Variants in TMEM132B observed in about 807,000 individuals in gnomAD.
TMEM132B encodes the protein transmembrane protein 132B.
Under a neutral mutation model 90.8 loss-of-function variants are expected in TMEM132B, and 18 were observed. That is an observed-to-expected ratio of 0.20 (90% CI 0.14 to 0.29). TMEM132B has a LOEUF of 0.29. Among genes scored for constraint, TMEM132B ranks in the 10% least tolerant of loss-of-function variants. The pLI is 1.00. For missense variants in TMEM132B, 1,096 were observed against 1,326.8 expected (o/e 0.83, Z 2.70); for synonymous variants, 504 against 523.3 (o/e 0.96, Z 0.50).
chr12:125,269,362 C>T (rs551897518), intron 1 of TMEM132B, among the ~76,000 whole-genome samples: 1 of 152,288 alleles, frequency 6.6e-6, no homozygotes, highest in Admixed American at 6.5e-5. Context: ...AATGCAGGCC[C>T]TTTGTGGAGC....
intron 5 of TMEM132B, among the ~76,000 whole-genome samples, chr12:125,627,088 T>C (rs566001175): frequency 6.6e-6 from 1 of 152,240 alleles, no homozygotes; most frequent in South Asian, 2.1e-4. Flanking sequence ...GATGAGTAAA[T>C]CAAGACATCA....
intron 2 of TMEM132B, among the ~76,000 whole-genome samples, chr12:125,373,396 G>A (rs748536282): frequency 1.3e-5 from 2 of 152,188 alleles, no homozygotes; most frequent in African/African-American, 2.4e-5. Flanking sequence ...GGTCATTAGG[G>A]TGGGCTTTAA....
At chr12:125,469,213 C>T (rs1008119951) in intron 3 of TMEM132B, among the ~76,000 whole-genome samples, 6 of 152,098 alleles carry the variant, frequency 3.9e-5, no homozygotes, top group African/African-American at 1.4e-4. Flanking sequence ...TAGCTGTGGG[C>T]TTTTCACATA....
rs1481502526 is a variant in TMEM132B, at chr12:125,656,682, G to T, written c.*1972G>T. The T allele has an allele frequency of 6.6e-6, 1 of 152,270 alleles. No individual in the cohort carries two copies. The highest frequency in any genetic ancestry group is 2.4e-5 in the African/African-American group (1 of 41,458). 9.4% of individuals were successfully genotyped at this position (152,270 alleles called of 1,614,324 possible). ...AGAGATGGCTGACACTTTATGGGAA[G>T]ATTCCTCAGTCAGCCAAAAGCTTTT... On this transcript the variant is annotated 3_prime_UTR_variant, in exon 9 of 9. Transcript: ENST00000682704.
intron 4 of TMEM132B, among the ~76,000 whole-genome samples, chr12:125,568,292 G>A (rs972325651): frequency 2.0e-5 from 3 of 152,016 alleles, no homozygotes; most frequent in Non-Finnish European, 4.4e-5. Context: ...TATTTATGGG[G>A]TACATGAGAT....
intron 1 of TMEM132B, among the ~76,000 whole-genome samples, chr12:125,279,664 C>G (rs549391966): frequency 2.6e-5 from 4 of 152,204 alleles, no homozygotes; most frequent in Non-Finnish European, 5.9e-5. Context: ...CTGCCTGTGT[C>G]TTTTCCCTTG....
At chr12:125,427,495 T>A (rs1880353035) in intron 3 of TMEM132B, among the ~76,000 whole-genome samples, 1 of 152,208 alleles carries the variant, frequency 6.6e-6, no homozygotes, top group Non-Finnish European at 1.5e-5. Flanking sequence ...TCTCAACAAG[T>A]ATGTGTTGAA....
chr12:125,287,203 C>T (rs1875386326), intron 1 of TMEM132B, among the ~76,000 whole-genome samples: 1 of 152,050 alleles, frequency 6.6e-6, no homozygotes, highest in Admixed American at 6.5e-5. Context: ...GTGGCCCCGT[C>T]TCCTCTGATT....
chr12:125,505,664 C>T (rs1882827838), intron 3 of TMEM132B, among the ~76,000 whole-genome samples: 1 of 151,122 alleles, frequency 6.6e-6, no homozygotes, highest in African/African-American at 2.4e-5. Flanking sequence ...CACCACTGTG[C>T]TCAAGCTTGG....
intron 1 of TMEM132B, among the ~76,000 whole-genome samples, chr12:125,283,244 T>C (rs1397955678): frequency 6.6e-6 from 1 of 152,214 alleles, no homozygotes; most frequent in Non-Finnish European, 1.5e-5. Context: ...TTCGTACATA[T>C]TAGGTTTTCT....
chr12:125,188,861 A>AAAAAAAAAAAAAG (rs1565970787), intron 1 of TMEM132B, among the ~76,000 whole-genome samples: 1 of 144,770 alleles, frequency 6.9e-6, no homozygotes. Flanking sequence ...GCAAAAAAAA[A>AAAAAAAAAAAAAG]AAAAAAAAAA....
In TMEM132B at chr12:125,498,306, T is replaced by C. The variant is rs1882609735; in HGVS notation, c.1107-21133T>C. ...GCTAGGTGTTTTTTCTGTTTAGCAT[T>C]AGTAGGAATTGCACTGAATATGTGC... On this transcript the variant is annotated intron_variant, in intron 3 of 8. Transcript: ENST00000682704. The surrounding 1 kb of genome is among the most constrained non-coding windows in gnomAD (Gnocchi z 4.5). Among the ~76,000 whole-genome samples, 1 of 152,216 alleles carries C rather than the reference T, an allele frequency of 6.6e-6. No homozygotes were observed. The highest frequency in any genetic ancestry group is 2.4e-5 in the African/African-American group (1 of 41,440).
chr12:125,386,386 A>G (rs1374882234), intron 2 of TMEM132B, among the ~76,000 whole-genome samples: 1 of 152,266 alleles, frequency 6.6e-6, no homozygotes, highest in East Asian at 1.9e-4. Flanking sequence ...CTGGTTACGT[A>G]TGACTATGGT....
chr12:125,470,060 G>A (rs1213149536), intron 3 of TMEM132B, among the ~76,000 whole-genome samples: 2 of 152,214 alleles, frequency 1.3e-5, no homozygotes, highest in Non-Finnish European at 2.9e-5. Flanking sequence ...CCATTTGCTG[G>A]TTATAGCTGG....
At chr12:125,284,571 C>T (rs145215212) in intron 1 of TMEM132B, among the ~76,000 whole-genome samples, 97 of 152,258 alleles carry the variant, frequency 6.4e-4, no homozygotes, top group African/African-American at 1.9e-3. Context: ...TGCCAGTTTG[C>T]GTAGCATTGT....
At chr12:125,323,271 A>C (rs1460261705) in intron 1 of TMEM132B, among the ~76,000 whole-genome samples, 1 of 152,074 alleles carries the variant, frequency 6.6e-6, no homozygotes, top group Non-Finnish European at 1.5e-5. Context: ...CCCTGTCTCT[A>C]CTGAAAATAC....
chr12:125,638,374 C>A (rs1307301449), intron 5 of TMEM132B, among the ~76,000 whole-genome samples: 1 of 152,132 alleles, frequency 6.6e-6, no homozygotes, highest in Admixed American at 6.5e-5. Context: ...TTCCTTTTGG[C>A]ATTTATTATT....
At chr12:125,416,918 G>T (rs1880030630) in intron 3 of TMEM132B, among the ~76,000 whole-genome samples, 2 of 152,180 alleles carry the variant, frequency 1.3e-5, no homozygotes, top group Non-Finnish European at 2.9e-5. Flanking sequence ...TTTCTAGGGA[G>T]CCTTGGATTT....
In TMEM132B at chr12:125,660,913, G is replaced by A. The variant is rs1318246018; in HGVS notation, c.*6203G>A. 1.3e-5 allele frequency: 2 copies of A among 152,250 alleles called. No individual in the cohort carries two copies. Among genetic ancestry groups the A allele is most frequent in the African/African-American group, 4.8e-5 (2 of 41,460 alleles). The allele number at this position is 152,250 out of a possible 1,614,324, so 9.4% of individuals were successfully genotyped here. A position where few individuals can be genotyped will look rare whatever the true frequency, so the allele number is the denominator to read the frequency against. On this transcript the variant is annotated 3_prime_UTR_variant, in exon 9 of 9. Coordinates refer to ENST00000682704, the MANE Select transcript of TMEM132B (RefSeq NM_001366854.1). ...CTATACATCTACATTGCCCATTGGA[G>A]TAAAGCACTTTACAGAGAGATGGAT...
Sources: allele counts gnomAD v4.1 joint callset (sites outside exome capture counted in the v4.1 genomes callset), GRCh38; gene constraint gnomAD v4.1.1; non-coding constraint Gnocchi (gnomAD v3.1); transcripts MANE v1.5; gene names NCBI Gene and HGNC (gene_info 2026-07-23, HGNC 2026-07-21).